Variants in COL5A3 observed in about 807,000 individuals in gnomAD.
COL5A3 encodes the protein collagen alpha-3(V) chain.
Under a neutral mutation model 250.0 loss-of-function variants are expected in COL5A3, and 172 were observed. The ratio of observed to expected loss-of-function variants is 0.69; its 90% CI spans 0.61 to 0.78. The LOEUF is 0.78. Among genes scored for constraint, COL5A3 ranks in the 30% least tolerant of loss-of-function variants. COL5A3 has a pLI of 0.00. For missense variants in COL5A3, 2,340 were observed against 2,334.4 expected, an observed-to-expected ratio of 1.00 and a Z score of -0.05; for synonymous variants, 937 against 900.4, an observed-to-expected ratio of 1.04 and a Z score of -0.73.
intron 16 of COL5A3, 50 bp downstream of exon 16, chr19:9,995,514 G>GGT (rs2087256536): frequency 6.6e-7 from 1 of 1,521,788 alleles, no homozygotes; most frequent in Admixed American, 2.1e-5. Context: ...GCTCATGTTG[G>GGT]GTGTTGAGGG....
At chr19:9,986,183 G>A (rs545693600) in intron 30 of COL5A3, 132 bp downstream of exon 30, 1 of 665,332 alleles carries the variant, frequency 1.5e-6, no homozygotes, top group East Asian at 2.7e-5. Context: ...GTAATGCTGA[G>A]CTGAGGAATT....
At chr19:9,980,620 A>ATT (rs768942992) in intron 35 of COL5A3, 28 bp downstream of exon 35, 3 of 251,404 alleles carry the variant, frequency 1.2e-5, no homozygotes, top group East Asian at 3.4e-4. Flanking sequence ...ACACACATTC[A>ATT]CACACACACA....
At chr19:9,996,306 C>A (rs779625779) in intron 13 of COL5A3, 44 bp from the exon 14 acceptor site, 5 of 1,545,618 alleles carry the variant, frequency 3.2e-6, no homozygotes, top group Non-Finnish European at 4.4e-6. Context: ...CCCACAAGAC[C>A]CCCAACATTC....
rs754075930 is a variant in COL5A3 at position 9,993,371 on chromosome 19, C to A, written c.1749+9G>T. ...TCCAAACCAGGCCCTAACTCTCTTC[C>A]AAACTTACCCTCTCACCATCCTCTC... On this transcript the variant is annotated intron_variant, in intron 19 of 66. Transcript: ENST00000264828. The A allele has an allele frequency of 3.7e-6, 6 of 1,613,932 alleles. No homozygotes were observed. Among genetic ancestry groups the A allele is most frequent in the Non-Finnish European group, 5.1e-6 (6 of 1,179,942 alleles).
chr19:9,989,025 A>C, intron 27 of COL5A3, 99 bp downstream of exon 27: 1 of 1,284,064 alleles, frequency 7.8e-7, no homozygotes, highest in Non-Finnish European at 1.1e-6. Flanking sequence ...TGGCCAACTG[A>C]TTCCCCTCTC....
At chr19:9,967,477 ACACACTCACACACACACT>A in intron 61 of COL5A3, 77 bp from the exon 62 acceptor site, 1 of 897,676 alleles carries the variant, frequency 1.1e-6, no homozygotes, top group Non-Finnish European at 1.7e-6. Flanking sequence ...AAACACACAC[ACACACTCACACACACACT>A]CACACACACA....
Position 9,974,328 on chromosome 19 carries a change from C to G in COL5A3, c.3423G>C (p.Val1141=). 3 of 1,612,460 alleles carry G rather than the reference C, an allele frequency of 1.9e-6. No individual in the cohort carries two copies. Among genetic ancestry groups the G allele is most frequent in the Non-Finnish European group, 2.5e-6 (3 of 1,179,192 alleles). Residue 1141 remains valine, a synonymous_variant, in exon 46 of 67, where the codon GTG becomes GTC. Transcript: ENST00000264828. ...GCAGTCCAGGAGGGCCAATCACCCC[C>G]ACAAAGCCTCTGACTCCGTCATCTC... ...QKGDDGVRGF[V]GVIGPPGLQG...
intron 62 of COL5A3, 43 bp from the exon 63 acceptor site, chr19:9,966,789 G>A (rs1045727182): frequency 1.5e-5 from 22 of 1,441,510 alleles, no homozygotes; most frequent in African/African-American, 1.4e-4. Flanking sequence ...GGGAGATGGG[G>A]GAGGGAGAGA....
At chr19:9,982,309 ACTG>A (rs1460080005) in intron 31 of COL5A3, among the ~76,000 whole-genome samples, 191 bp from the exon 32 acceptor site, 1 of 151,742 alleles carries the variant, frequency 6.6e-6, no homozygotes, top group Non-Finnish European at 1.5e-5. Context: ...TTCTCATTTC[ACTG>A]CAGCCCTTTG....
chr19:9,970,826 C>T, intron 53 of COL5A3, 149 bp downstream of exon 53: 1 of 1,044,164 alleles, frequency 9.6e-7, no homozygotes, highest in Non-Finnish European at 1.3e-6. Flanking sequence ...AAGCTGCTCA[C>T]ATTCCTGGGG....
chr19:9,985,871 G>GAT lies in COL5A3; in HGVS notation c.2376_2377insAT (p.Pro793IlefsTer23), dbSNP rs2087092147. On this transcript the variant is annotated frameshift_variant, in exon 31 of 67. Transcript: ENST00000264828. LOFTEE classifies it high-confidence loss of function. ...GGTCCAGGGCGTCCTGGATAACCTG[G>GAT]GAGGCCTGGCACCCCAAGCTTGCCC... The GAT allele has an allele frequency of 1.1e-5, 18 of 1,613,866 alleles. No individual in the cohort carries two copies. Among genetic ancestry groups the GAT allele is most frequent in the Non-Finnish European group, 1.5e-5 (18 of 1,179,960 alleles).
rs377218113 is a variant in COL5A3 at position 9,993,023 on chromosome 19, C to T, written c.1794G>A (p.Pro598=). The T allele has an allele frequency of 2.7e-5, 43 of 1,613,554 alleles. No individual in the cohort carries two copies. In the Middle Eastern group the frequency reaches 1.3e-3, roughly 50 times the overall value. Residue 598 remains proline (P), a splice_region_variant and synonymous_variant, in exon 20 of 67, where the codon CCG becomes CCA. Transcript: ENST00000264828. ...PPGPTGQAGE[P]GPRGLLGPRG... is the part of the protein sequence containing the mutation. ...GGGCCCAGGGATCCCTGATACTCAC[C>T]GGCTCCCCAGCCTGGCCAGTGGGCC... is the stretch of plus-strand genomic sequence containing the variant.
intron 41 of COL5A3, among the ~76,000 whole-genome samples, chr19:9,977,947 C>CGT (rs2086947211): frequency 9.4e-6 from 1 of 106,140 alleles, no homozygotes; most frequent in Non-Finnish European, 2.0e-5. Context: ...GCAGCCTATA[C>CGT]ATATATATAT....
rs192591756 is a variant in COL5A3 at position 9,998,040 on chromosome 19, G to A, written c.1159-15C>T. ...AACTGCTGCCCCTGAAGGGAGAAGT[G>A]AGTGTCGGTGACCGCTGTCATCATG... On this transcript the variant is annotated splice_polypyrimidine_tract_variant and intron_variant, in intron 9 of 66. Coordinates refer to ENST00000264828, the MANE Select transcript of COL5A3 (RefSeq NM_015719.4). 1,079 of 1,614,026 alleles carry A rather than the reference G, an allele frequency of 6.7e-4. 7 individuals are homozygous for A. In the Admixed American group the frequency reaches 0.012, roughly 18 times the overall value.
At chr19:9,982,174 A>G (rs1301493001) in intron 31 of COL5A3, 56 bp from the exon 32 acceptor site, 5 of 1,255,032 alleles carry the variant, frequency 4.0e-6, no homozygotes, top group Non-Finnish European at 4.5e-6. Context: ...TGGTGGGTGG[A>G]ATTGGCCCCT....
chr19:10,009,352 G>A lies in COL5A3; in HGVS notation c.88+946C>T, dbSNP rs1474747913. On this transcript the variant is annotated intron_variant, in intron 1 of 66. Transcript: ENST00000264828. This position sits in a 1 kb window ranked among gnomAD's most constrained non-coding sequence, Gnocchi z 4.4. ...CCCCCCACTCTGAACCCTGAGGGGC[G>A]GGACAGGGCGCCCAGCCAGATGCGC... 6.6e-6 allele frequency among the ~76,000 whole-genome samples: 1 copy of A among 152,044 alleles called. No individual in the cohort carries two copies. Among genetic ancestry groups the A allele is most frequent in the Non-Finnish European group, 1.5e-5 (1 of 67,986 alleles).
chr19:9,967,932 A>C lies in COL5A3; in HGVS notation c.4376T>G (p.Leu1459Arg). The change falls in exon 61 of 67, where the codon CTA (leucine) becomes CGA (arginine). Residue 1459 changes from leucine to arginine, a missense_variant. Physicochemically the swap from Leu to Arg is moderately radical, Grantham distance 102. Coordinates refer to ENST00000264828, the MANE Select transcript of COL5A3 (RefSeq NM_015719.4). The part of the protein sequence containing the change: ...HPGPPGVAGP[L>R]GQKGSKGSPG... ...AGACCCTTTTGAGCCTTTCTGTCCT[A>C]GAGGGCCCTGTAGGGTACAGACAGG... 6.2e-7 allele frequency: 1 copy of C among 1,613,338 alleles called. No homozygotes were observed. Among genetic ancestry groups the C allele is most frequent in the Non-Finnish European group, 8.5e-7 (1 of 1,179,718 alleles).
chr19:9,967,836 G>T, intron 61 of COL5A3, 68 bp downstream of exon 61: 1 of 1,467,222 alleles, frequency 6.8e-7, no homozygotes, highest in Non-Finnish European at 9.3e-7. Flanking sequence ...GAGACGTGGA[G>T]GGTTCTGGTG....
Position 9,993,603 on chromosome 19 carries a change from G to T in COL5A3, c.1695+16C>A, listed in dbSNP as rs1366377986. 1.9e-6 allele frequency: 3 copies of T among 1,613,336 alleles called. No individual in the cohort carries two copies. The highest frequency in any genetic ancestry group is 1.3e-5 in the African/African-American group (1 of 74,822). On this transcript the variant is annotated intron_variant, in intron 18 of 66. Coordinates refer to ENST00000264828, the MANE Select transcript of COL5A3 (RefSeq NM_015719.4). ...GAGGAGGGCTTAGACTTGGGGGAGGGACCTCACACACTCACCCTTTGGCCC... is the reference window on the plus strand; with the variant it reads ...GAGGAGGGCTTAGACTTGGGGGAGGTACCTCACACACTCACCCTTTGGCCC...
Sources: gnomAD v4.1 joint callset for allele counts (sites outside exome capture counted in the v4.1 genomes callset) on GRCh38, gnomAD v4.1.1 for gene constraint, Gnocchi (gnomAD v3.1) non-coding constraint, MANE v1.5 for transcripts, NCBI Gene and HGNC (gene_info 2026-07-23, HGNC 2026-07-21) for gene names.